Variants in FARSA observed in about 807,000 individuals in gnomAD.
FARSA encodes phenylalanyl-tRNA synthetase subunit alpha.
Under a neutral mutation model 63.2 loss-of-function variants are expected in FARSA, and 37 were observed. That is an observed-to-expected ratio of 0.59 (90% confidence interval 0.45 to 0.77). FARSA has a LOEUF of 0.77. Ranked by LOEUF, FARSA falls within the 30% of genes least tolerant of loss-of-function variation. FARSA has a pLI of 0.00. For missense variants in FARSA, 618 were observed against 696.6 expected (o/e 0.89, Z 1.27); for synonymous variants, 312 against 285.1 (o/e 1.09, Z -0.95).
chr19:12,929,144 G>A (rs914298392), intron 4 of FARSA, among the ~76,000 whole-genome samples: 5 of 152,188 alleles, frequency 3.3e-5, no homozygotes, highest in African/African-American at 1.2e-4. Context: ...TTCTGTGCCA[G>A]GCTCTGTTCT....
chr19:12,928,556 C>A lies in FARSA; in HGVS notation c.704G>T (p.Arg235Leu). 6.2e-7 allele frequency: 1 copy of A among 1,614,072 alleles called. No individual in the cohort carries two copies. The highest frequency in any genetic ancestry group is 8.5e-7 in the Non-Finnish European group (1 of 1,179,982). Residue 235 changes from arginine (R) to leucine (L), a missense_variant, in exon 6 of 13, where the codon CGA becomes CTA. Coordinates refer to ENST00000314606, the MANE Select transcript of FARSA (RefSeq NM_004461.3). ...HPLLKVRSQF[R>L]QIFLEMGFTE... ...TCACCCCATCTCCAGGAAGATCTGT[C>A]GGAACTGGGAGCGGACCTTGAGCAG... is the stretch of plus-strand genomic sequence containing the variant.
In FARSA at chr19:12,929,921, G is replaced by A. The variant is rs1444284753; in HGVS notation, c.503+302C>T. ...AGCACCAAAGATGAAGACTAGGGGC[G>A]ATGGGCTTCATGGAACTCAAGGGGA... On this transcript the variant is annotated intron_variant, in intron 4 of 12. Coordinates refer to ENST00000314606, the MANE Select transcript of FARSA (RefSeq NM_004461.3). Among the ~76,000 whole-genome samples the A allele has an allele frequency of 8.5e-5, 13 of 152,320 alleles. No homozygotes were observed. In the East Asian group the frequency reaches 2.3e-3, roughly 27 times the overall value.
chr19:12,926,185 T>C (rs1333066480), intron 7 of FARSA, among the ~76,000 whole-genome samples: 4 of 148,416 alleles, frequency 2.7e-5, no homozygotes, highest in Non-Finnish European at 5.9e-5. Flanking sequence ...GCCAGGATGG[T>C]CTCGATCCAC....
At chr19:12,933,301 C>T in intron 1 of FARSA, 2 of 414,294 alleles carry the variant, frequency 4.8e-6, no homozygotes, top group East Asian at 8.8e-5. Context: ...GCAGCAACCG[C>T]GACTTCCTCG....
intron 4 of FARSA, among the ~76,000 whole-genome samples, chr19:12,929,255 A>G (rs577753453): frequency 2.6e-5 from 4 of 152,288 alleles, no homozygotes; most frequent in South Asian, 4.1e-4. Flanking sequence ...TGCCTAGGCT[A>G]GAGTGCAATG....
At chr19:12,932,701 C>T (rs529987662) in intron 1 of FARSA, among the ~76,000 whole-genome samples, 1 of 152,316 alleles carries the variant, frequency 6.6e-6, no homozygotes, top group African/African-American at 2.4e-5. Flanking sequence ...ATAAACAGCC[C>T]AGATCCTGGC....
chr19:12,926,818 G>C (rs1424472878), intron 7 of FARSA, among the ~76,000 whole-genome samples: 1 of 152,198 alleles, frequency 6.6e-6, no homozygotes, highest in African/African-American at 2.4e-5. Context: ...CCCAAACAGT[G>C]GGATTATACC....
intron 1 of FARSA, among the ~76,000 whole-genome samples, chr19:12,931,454 G>C (rs369554969): frequency 5.9e-5 from 9 of 152,270 alleles, no homozygotes; most frequent in African/African-American, 2.2e-4. Flanking sequence ...AGTAGAGATG[G>C]GGTTTCACCA....
At position 12,928,441 on chromosome 19, in the gene FARSA, T is replaced by C; in HGVS notation, c.742A>G (p.Thr248Ala). The C allele has an allele frequency of 6.2e-7, 1 of 1,614,000 alleles. No homozygotes were observed. Among genetic ancestry groups the C allele is most frequent in the Non-Finnish European group, 8.5e-7 (1 of 1,179,954 alleles). The change falls in exon 7 of 13, where the codon ACT becomes GCT. Residue 248 changes from threonine (T) to alanine (A), a missense_variant. Transcript: ENST00000314606. ...AAGGAGCTCTCAATGAAGTTATCAGTCGGCATCTCGGTGAACCTGGTGGGA... is the reference window on the plus strand; with the variant it reads ...AAGGAGCTCTCAATGAAGTTATCAGCCGGCATCTCGGTGAACCTGGTGGGA... Reference protein sequence around the residue: ...FLEMGFTEMPTDNFIESSFWN... With the variant: ...FLEMGFTEMPADNFIESSFWN...
At chr19:12,923,030 T>C (rs1035715027) in intron 12 of FARSA, 144 bp from the exon 13 acceptor site, 25 of 1,031,048 alleles carry the variant, frequency 2.4e-5, no homozygotes, top group Non-Finnish European at 3.4e-5. Flanking sequence ...CTCTATCACC[T>C]CTCACCCTCC....
At chr19:12,925,669 G>A (rs2145995218) in intron 7 of FARSA, among the ~76,000 whole-genome samples, 1 of 151,848 alleles carries the variant, frequency 6.6e-6, no homozygotes, top group East Asian at 1.9e-4. Context: ...ATTTATGTAT[G>A]TACGTATGTA....
Position 12,924,128 on chromosome 19 carries a change from C to T in FARSA, c.1388+23G>A, listed in dbSNP as rs757204744. On this transcript the variant is annotated intron_variant, in intron 12 of 12. Transcript: ENST00000314606. The surrounding 1 kb of genome is among the most constrained non-coding windows in gnomAD (Gnocchi z 6.4). Reference sequence around the variant, plus strand: ...AGTTATTTGAGGCAGCTGGACACCCCGAGTTTCCACTTGGGCACTTACCGC... The same window carrying T: ...AGTTATTTGAGGCAGCTGGACACCCTGAGTTTCCACTTGGGCACTTACCGC... 9 of 1,593,422 alleles carry T rather than the reference C, an allele frequency of 5.6e-6. No individual in the cohort carries two copies. The highest frequency in any genetic ancestry group is 1.1e-5 in the South Asian group (1 of 90,672).
Position 12,924,683 on chromosome 19 carries a change from A to C in FARSA, c.1151T>G (p.Leu384Trp). The C allele has an allele frequency of 6.3e-7, 1 of 1,592,908 alleles. No individual in the cohort carries two copies. The highest frequency in any genetic ancestry group is 1.1e-5 in the South Asian group (1 of 87,616). ...CCGCAGAACGCCCATGAGGTGGCCC[A>C]AGGTGAGACCATGATCCGCCACCAC... The part of the protein sequence containing the change: ...EGVVADHGLT[L>W]GHLMGVLREF... The change falls in exon 10 of 13, where the codon TTG becomes TGG. Residue 384 changes from leucine (L) to tryptophan (W), a missense_variant. Leu to Trp is a moderately conservative substitution (Grantham distance 61). Transcript: ENST00000314606. The surrounding 1 kb of genome is among the most constrained non-coding windows in gnomAD (Gnocchi z 6.4).
rs142272380 is a variant in FARSA at position 12,928,647 on chromosome 19, G to A, written c.613C>T (p.Arg205Trp). Residue 205 changes from arginine to tryptophan, a missense_variant, in exon 6 of 13, where the codon CGG becomes TGG. Coordinates refer to ENST00000314606, the MANE Select transcript of FARSA (RefSeq NM_004461.3). ...EMISSGSWRDRPFKPYNFLAH... is the reference protein window; with the variant it reads ...EMISSGSWRDWPFKPYNFLAH... The stretch of plus-strand genomic sequence containing the variant: ...AAGAAGTTGTAGGGCTTGAAGGGCC[G>A]GTCCCGCCAAGAGCCACTGGGGGAG... The A allele has an allele frequency of 2.3e-4, 365 of 1,611,088 alleles. No homozygotes were observed. In the African/African-American group the frequency reaches 4.0e-3, roughly 17 times the overall value.
At chr19:12,929,243 G>A (rs1971364405) in intron 4 of FARSA, among the ~76,000 whole-genome samples, 1 of 152,108 alleles carries the variant, frequency 6.6e-6, no homozygotes, top group Non-Finnish European at 1.5e-5. Flanking sequence ...TTTTGCTCTT[G>A]TTGCCTAGGC....
At chr19:12,933,290 G>A (rs1329992291) in intron 1 of FARSA, 2 of 408,594 alleles carry the variant, frequency 4.9e-6, no homozygotes, top group African/African-American at 4.2e-5. Flanking sequence ...CCTGCGTGAG[G>A]GCAGCAACCG....
At chr19:12,932,918 T>G (rs182767277) in intron 1 of FARSA, 1 of 152,516 alleles carries the variant, frequency 6.6e-6, no homozygotes, top group African/African-American at 2.4e-5. Context: ...AGTGCCAGCT[T>G]CTTCTTTCAT....
chr19:12,930,485 T>C lies in FARSA; in HGVS notation c.328A>G (p.Asn110Asp). 1.2e-6 allele frequency: 2 copies of C among 1,614,214 alleles called. No individual in the cohort carries two copies. Among genetic ancestry groups the C allele is most frequent in the Non-Finnish European group, 1.7e-6 (2 of 1,180,026 alleles). Reference protein sequence around the residue: ...GKVGFSKAMSNKWIRVDKSAA... With the variant: ...GKVGFSKAMSDKWIRVDKSAA... ...CTCTTGTCCACCCGAATCCACTTGT[T>C]GGACATGGCCTTGCTGAAGCCCACT... The change falls in exon 3 of 13, where the codon AAC (asparagine) becomes GAC (aspartate). Residue 110 changes from asparagine (N) to aspartate (D), a missense_variant. Asn to Asp is a conservative substitution (Grantham distance 23, BLOSUM62 1). Transcript: ENST00000314606.
At chr19:12,933,440 C>T in intron 1 of FARSA, 110 bp downstream of exon 1, 2 of 1,342,242 alleles carry the variant, frequency 1.5e-6, no homozygotes, top group Non-Finnish European at 2.0e-6. Context: ...GACACATATA[C>T]AGCTACCCCA....
Sources: allele counts gnomAD v4.1 joint callset (sites outside exome capture counted in the v4.1 genomes callset), GRCh38; gene constraint gnomAD v4.1.1; non-coding constraint Gnocchi (gnomAD v3.1); transcripts MANE v1.5; gene names NCBI Gene and HGNC (gene_info 2026-07-23, HGNC 2026-07-21).